The following CFAP61 variants were observed in gnomAD, a reference collection of about 807,000 sequenced individuals.
The protein encoded by CFAP61 is cilia- and flagella-associated protein 61.
CFAP61 carries 107 observed loss-of-function variants against 135.6 expected under a neutral mutation model. The observed-to-expected ratio is 0.79, with a 90% CI of 0.67 to 0.93. The LOEUF is 0.93. Among genes scored for constraint, CFAP61 ranks in the 40% least tolerant of loss-of-function variants. The pLI is 0.00. For synonymous variants in CFAP61, 575 were observed against 578.5 expected (o/e 0.99, Z 0.09); for missense variants, 1,507 against 1,556.2 (o/e 0.97, Z 0.53).
At chr20:20,263,275 T>A (rs1425988640) in intron 21 of CFAP61, 145 bp downstream of exon 21, 1 of 580,000 alleles carries the variant, frequency 1.7e-6, no homozygotes. Flanking sequence ...TTTTCCAGAT[T>A]AATTTACAAC....
In CFAP61 at chr20:20,085,070, T is replaced by C. The variant is rs1039197819; in HGVS notation, c.567-5774T>C. 6 of 982,264 alleles carry C rather than the reference T, an allele frequency of 6.1e-6. No homozygotes were observed. In the African/African-American group the frequency reaches 1.0e-4, roughly 17 times the overall value. 60.8% of individuals were successfully genotyped at this position (982,264 alleles called of 1,614,324 possible). On this transcript the variant is annotated intron_variant, in intron 6 of 26. Transcript: ENST00000245957. Reference sequence around the variant, plus strand: ...GATATAAAGTAACTTTGCTTTTCGCTCAGAGAATTGTACTATTTCCGTTGC... The same window carrying C: ...GATATAAAGTAACTTTGCTTTTCGCCCAGAGAATTGTACTATTTCCGTTGC...
At chr20:20,188,289 C>G (rs1260919006) in intron 14 of CFAP61, among the ~76,000 whole-genome samples, 1 of 152,162 alleles carries the variant, frequency 6.6e-6, no homozygotes, top group African/African-American at 2.4e-5. Context: ...AAATCCTTCT[C>G]AGGAAGATAG....
chr20:20,170,475 A>T (rs776746578), intron 13 of CFAP61, among the ~76,000 whole-genome samples: 5 of 152,218 alleles, frequency 3.3e-5, no homozygotes, highest in Non-Finnish European at 7.3e-5. Flanking sequence ...TTCTACAGGA[A>T]AAAACAAAAA....
At chr20:20,215,231 A>G (rs532603919) in intron 17 of CFAP61, 2 of 152,170 alleles carry the variant, frequency 1.3e-5, no homozygotes, top group South Asian at 4.1e-4. Context: ...CCTCATGTCA[A>G]AGCAGCCACT....
chr20:20,130,169 A>G (rs150799164), intron 8 of CFAP61, among the ~76,000 whole-genome samples: 1,768 of 151,596 alleles, frequency 0.012, 50 homozygotes, highest in Middle Eastern at 0.054. Flanking sequence ...CGTGCCTGTA[A>G]TCCCAGCTAC....
chr20:20,191,524 A>G (rs2146875653), intron 15 of CFAP61, 105 bp downstream of exon 15: 1 of 683,934 alleles, frequency 1.5e-6, no homozygotes, highest in Non-Finnish European at 2.5e-6. Context: ...TTTAATGTGA[A>G]TGCCTCCTTT....
intron 8 of CFAP61, among the ~76,000 whole-genome samples, chr20:20,141,146 C>T (rs1046282740): frequency 2.6e-5 from 4 of 152,100 alleles, no homozygotes; most frequent in Non-Finnish European, 4.4e-5. Flanking sequence ...GTCTTGAACT[C>T]CTGACCTCAG....
At chr20:20,106,369 A>G (rs926992478) in intron 8 of CFAP61, among the ~76,000 whole-genome samples, 1 of 152,168 alleles carries the variant, frequency 6.6e-6, no homozygotes, top group Non-Finnish European at 1.5e-5. Flanking sequence ...AATGTCTTCA[A>G]AAACAACCAT....
At chr20:20,247,827 C>T (rs908921976) in intron 19 of CFAP61, among the ~76,000 whole-genome samples, 3 of 152,146 alleles carry the variant, frequency 2.0e-5, no homozygotes, top group Admixed American at 2.0e-4. Context: ...GCTTTTTGCT[C>T]TTGAATGTTA....
At chr20:20,322,930 A>G (rs1254674506) in intron 25 of CFAP61, 1 of 985,358 alleles carries the variant, frequency 1.0e-6, no homozygotes, top group East Asian at 1.1e-4. Context: ...TATTTATTGA[A>G]TTAGACTGTG....
intron 9 of CFAP61, 36 bp from the exon 10 acceptor site, chr20:20,159,333 TC>T (rs754036503): frequency 6.3e-7 from 1 of 1,599,512 alleles, no homozygotes; most frequent in East Asian, 2.2e-5. Flanking sequence ...ACTGTAGGTG[TC>T]GATTAATTTT....
At chr20:20,333,346 T>G in intron 25 of CFAP61, among the ~76,000 whole-genome samples, 1 of 152,188 alleles carries the variant, frequency 6.6e-6, no homozygotes, top group East Asian at 1.9e-4. Flanking sequence ...CTAAGAAGAC[T>G]GAGACTAAGA....
intron 2 of CFAP61, among the ~76,000 whole-genome samples, chr20:20,069,427 G>A: frequency 6.6e-6 from 1 of 152,124 alleles, no homozygotes; most frequent in Non-Finnish European, 1.5e-5. Flanking sequence ...TTACAGGCAT[G>A]TACCACCACA....
intron 9 of CFAP61, among the ~76,000 whole-genome samples, chr20:20,147,775 T>G (rs575779340): frequency 1.3e-5 from 2 of 151,418 alleles, no homozygotes; most frequent in South Asian, 4.2e-4. Context: ...TGGTTTTTTG[T>G]TTTTTTTTTT....
intron 23 of CFAP61, 69 bp downstream of exon 23, chr20:20,289,005 C>A: frequency 3.1e-6 from 4 of 1,279,384 alleles, no homozygotes; most frequent in Non-Finnish European, 4.3e-6. Context: ...TCAGGCCAGT[C>A]CTCCAGGTTT....
chr20:20,090,446 C>T (rs1037365830), intron 6 of CFAP61, among the ~76,000 whole-genome samples: 3 of 152,126 alleles, frequency 2.0e-5, no homozygotes, highest in Admixed American at 2.0e-4. Flanking sequence ...AATCCCAGCA[C>T]TCTGGGAGGC....
intron 13 of CFAP61, among the ~76,000 whole-genome samples, chr20:20,179,175 CAA>C (rs1298647188): frequency 2.0e-5 from 3 of 152,166 alleles, no homozygotes; most frequent in African/African-American, 4.8e-5. Flanking sequence ...ACAACTTCAG[CAA>C]AGTCTCAGGA....
chr20:20,220,359 C>A (rs944642496), intron 17 of CFAP61: 1 of 152,272 alleles, frequency 6.6e-6, no homozygotes, highest in Non-Finnish European at 1.5e-5. Flanking sequence ...TGAGCCCCAC[C>A]CTTTTATAAT....
chr20:20,289,581 C>T (rs2054854085), intron 23 of CFAP61, among the ~76,000 whole-genome samples: 1 of 152,180 alleles, frequency 6.6e-6, no homozygotes, highest in Non-Finnish European at 1.5e-5. Flanking sequence ...GATGAACCCA[C>T]AAAGCTGTAC....
Sources: allele counts gnomAD v4.1 joint callset (sites outside exome capture counted in the v4.1 genomes callset), GRCh38; gene constraint gnomAD v4.1.1; transcripts MANE v1.5; gene names NCBI Gene and HGNC (gene_info 2026-07-23, HGNC 2026-07-21).